Variants in TEX48 observed in about 807,000 individuals in gnomAD.
TEX48 encodes the protein testis expressed 48, also known as testis-expressed protein 48.
Under a neutral mutation model 13.2 loss-of-function variants are expected in TEX48, and 10 were observed. The ratio of observed to expected loss-of-function variants is 0.75; its 90% CI spans 0.47 to 1.28. The LOEUF (loss-of-function observed/expected upper bound fraction) is 1.28. TEX48 is among the 50% of genes most tolerant of loss of function. TEX48 has a pLI of 0.00. For missense variants in TEX48, 116 were observed against 139.4 expected, an observed-to-expected ratio of 0.83 and a Z score of 0.84; for synonymous variants, 45 against 52.3, an observed-to-expected ratio of 0.86 and a Z score of 0.60.
At chr9:114,668,456 G>A (rs1827882937) in intron 3 of TEX48, 119 bp from the exon 4 acceptor site, 1 of 819,812 alleles carries the variant, frequency 1.2e-6, no homozygotes, top group South Asian at 1.5e-5. Flanking sequence ...TTATGGGGTG[G>A]GGGTGTACCT....
At chr9:114,677,190 C>T (rs1828090081) in intron 1 of TEX48, among the ~76,000 whole-genome samples, 1 of 152,114 alleles carries the variant, frequency 6.6e-6, no homozygotes, top group Admixed American at 6.5e-5. Context: ...GTCCATTTAG[C>T]TCCAATCTCC....
Position 114,668,189 on chromosome 9 carries a change from C to T in TEX48, c.259+17G>A. On this transcript the variant is annotated intron_variant, in intron 4 of 4. Transcript: ENST00000436752. ...GGGAGTTTCTGGTCAGTGTTAGGAC[C>T]CCAATTTGGGACTCACCCTCAAACT... The T allele has an allele frequency of 6.5e-7, 1 of 1,535,414 alleles. No homozygotes were observed. The highest frequency in any genetic ancestry group is 8.7e-7 in the Non-Finnish European group (1 of 1,146,856).
At chr9:114,669,231 T>C (rs1479102529) in intron 3 of TEX48, among the ~76,000 whole-genome samples, 1 of 152,218 alleles carries the variant, frequency 6.6e-6, no homozygotes, top group African/African-American at 2.4e-5. Flanking sequence ...TTCTAGTTTT[T>C]GAATAATGTA....
At chr9:114,671,653 G>A in intron 2 of TEX48, 67 bp downstream of exon 2, 1 of 1,534,234 alleles carries the variant, frequency 6.5e-7, no homozygotes, top group South Asian at 1.2e-5. Context: ...ATCTTCTGTA[G>A]CTTCCCATGG....
At chr9:114,667,216 C>A (rs1827857174) in intron 4 of TEX48, among the ~76,000 whole-genome samples, 1 of 152,184 alleles carries the variant, frequency 6.6e-6, no homozygotes, top group Non-Finnish European at 1.5e-5. Context: ...CTGTGAAATG[C>A]TGTTTTCAAG....
At chr9:114,681,055 C>T (rs1415425461) in intron 1 of TEX48, among the ~76,000 whole-genome samples, 2 of 152,206 alleles carry the variant, frequency 1.3e-5, no homozygotes, top group Non-Finnish European at 2.9e-5. Flanking sequence ...CAGGCATCTT[C>T]CACCAAAGCA....
rs760370212 is a variant in TEX48 at position 114,666,629 on chromosome 9, G to T, written c.*14C>A. On this transcript the variant is annotated 3_prime_UTR_variant, in exon 5 of 5. Coordinates refer to ENST00000436752, the MANE Select transcript of TEX48 (RefSeq NM_001199233.2). Reference sequence around the variant, plus strand: ...GAGATGCCCCAGCAGCTGTGCAGCCGCCGGCTAGAATGCTCAGGGCCTCCC... The same window carrying T: ...GAGATGCCCCAGCAGCTGTGCAGCCTCCGGCTAGAATGCTCAGGGCCTCCC... 3 of 1,459,510 alleles carry T rather than the reference G, an allele frequency of 2.1e-6. No homozygotes were observed. Among genetic ancestry groups the T allele is most frequent in the South Asian group, 1.2e-5 (1 of 81,316 alleles). 90.4% of individuals were successfully genotyped at this position (1,459,510 alleles called of 1,614,324 possible). A position where few individuals can be genotyped will look rare whatever the true frequency, so the allele number is the denominator to read the frequency against.
At chr9:114,674,621 CCTTCCTTCCT>C (rs1828022144) in intron 1 of TEX48, among the ~76,000 whole-genome samples, 2 of 103,814 alleles carry the variant, frequency 1.9e-5, no homozygotes, top group Admixed American at 1.0e-4. Flanking sequence ...TTCCTTCCTT[CCTTCCTTCCT>C]TCCTTCCTTC....
chr9:114,669,243 G>A (rs1021052369), intron 3 of TEX48, among the ~76,000 whole-genome samples: 2 of 152,088 alleles, frequency 1.3e-5, no homozygotes, highest in African/African-American at 4.8e-5. Flanking sequence ...AATAATGTAA[G>A]ATTTATTTAA....
intron 3 of TEX48, among the ~76,000 whole-genome samples, chr9:114,669,891 A>G (rs780964700): frequency 1.3e-5 from 2 of 152,140 alleles, no homozygotes; most frequent in Non-Finnish European, 2.9e-5. Context: ...TGCTACCATA[A>G]ATACTGTTGT....
intron 1 of TEX48, among the ~76,000 whole-genome samples, chr9:114,674,515 A>C (rs1828013518): frequency 6.7e-6 from 1 of 149,930 alleles, no homozygotes; most frequent in Non-Finnish European, 1.5e-5. Flanking sequence ...TTTACTTTTC[A>C]AACATTTTCT....
chr9:114,675,572 G>GGAAAGGAAGCCAC (rs1171257019), intron 1 of TEX48, among the ~76,000 whole-genome samples: 13 of 152,140 alleles, frequency 8.5e-5, no homozygotes, highest in African/African-American at 3.1e-4. Flanking sequence ...CTTCACCGTA[G>GGAAAGGAAGCCAC]TGTAAGCCAC....
intron 1 of TEX48, among the ~76,000 whole-genome samples, chr9:114,678,838 C>CA (rs34355690): frequency 0.12 from 8,635 of 70,274 alleles, 420 homozygotes; most frequent in African/African-American, 0.15. Flanking sequence ...GATCCTGACT[C>CA]AAAAAAAAAA....
In TEX48 at chr9:114,668,199, G is replaced by T; in HGVS notation, c.259+7C>A. On this transcript the variant is annotated splice_region_variant and intron_variant, in intron 4 of 4. Transcript: ENST00000436752. Reference sequence around the variant, plus strand: ...GGTCAGTGTTAGGACCCCAATTTGGGACTCACCCTCAAACTCACTGCTGCT... The same window carrying T: ...GGTCAGTGTTAGGACCCCAATTTGGTACTCACCCTCAAACTCACTGCTGCT... The T allele has an allele frequency of 6.5e-7, 1 of 1,535,586 alleles. No individual in the cohort carries two copies. Among genetic ancestry groups the T allele is most frequent in the South Asian group, 1.2e-5 (1 of 84,058 alleles).
chr9:114,667,912 A>AAAAC (rs1239275461), intron 4 of TEX48, among the ~76,000 whole-genome samples: 1 of 151,098 alleles, frequency 6.6e-6, no homozygotes, highest in Non-Finnish European at 1.5e-5. Flanking sequence ...TCTCAAAAAA[A>AAAAC]AAAAAAAAAA....
chr9:114,670,590 A>G (rs1827929977), intron 3 of TEX48, among the ~76,000 whole-genome samples: 2 of 151,960 alleles, frequency 1.3e-5, no homozygotes, highest in African/African-American at 4.8e-5. Context: ...TTACAAACTG[A>G]AGGCCAGGGT....
At chr9:114,677,110 G>A (rs1828087384) in intron 1 of TEX48, among the ~76,000 whole-genome samples, 3 of 152,266 alleles carry the variant, frequency 2.0e-5, no homozygotes, top group African/African-American at 2.4e-5. Context: ...GGTTAGATAC[G>A]ATGCGGGCTA....
At chr9:114,669,708 T>A (rs192249994) in intron 3 of TEX48, among the ~76,000 whole-genome samples, 1 of 152,126 alleles carries the variant, frequency 6.6e-6, no homozygotes, top group Non-Finnish European at 1.5e-5. Flanking sequence ...CCCAAAGTGC[T>A]GGGATTAAAG....
At chr9:114,680,695 G>A (rs1294427188) in intron 1 of TEX48, among the ~76,000 whole-genome samples, 1 of 152,176 alleles carries the variant, frequency 6.6e-6, no homozygotes, top group African/African-American at 2.4e-5. Context: ...CCAGAAGGCA[G>A]ATAATGAGAA....
Sources: gnomAD v4.1 joint callset for allele counts (sites outside exome capture counted in the v4.1 genomes callset) on GRCh38, gnomAD v4.1.1 for gene constraint, MANE v1.5 for transcripts, NCBI Gene and HGNC (gene_info 2026-07-23, HGNC 2026-07-21) for gene names.